CAPN13: variants seen among roughly 807,000 people sequenced by gnomAD.
CAPN13 encodes calpain 13, also known as calpain-13.
In CAPN13, 90 loss-of-function variants were observed where a neutral mutation model predicts 98.4. The ratio of observed to expected loss-of-function variants is 0.92; its 90% CI spans 0.77 to 1.09. The LOEUF (loss-of-function observed/expected upper bound fraction) is 1.09. Ranked by LOEUF, CAPN13 falls within the 50% of genes least tolerant of loss-of-function variation. CAPN13 has a pLI of 0.00. For synonymous variants in CAPN13, 330 were observed against 305.5 expected (o/e 1.08, Z -0.84); for missense variants, 887 against 841.3 (o/e 1.05, Z -0.67).
intron 7 of CAPN13, among the ~76,000 whole-genome samples, chr2:30,762,056 G>T (rs1026362911): frequency 4.6e-5 from 7 of 152,198 alleles, no homozygotes; most frequent in Admixed American, 2.6e-4. Context: ...ACAGAGATCA[G>T]GGAACACTTG....
At chr2:30,727,829 A>G (rs905650033) in intron 22 of CAPN13, among the ~76,000 whole-genome samples, 3 of 152,148 alleles carry the variant, frequency 2.0e-5, no homozygotes, top group Non-Finnish European at 2.9e-5. Flanking sequence ...AAATAAAAAC[A>G]TATGTCCCCC....
chr2:30,772,735 T>C (rs1197809438), intron 4 of CAPN13, among the ~76,000 whole-genome samples: 2 of 152,180 alleles, frequency 1.3e-5, no homozygotes, highest in East Asian at 1.9e-4. Context: ...GGTCTTCAGA[T>C]TGAAAAATAT....
At chr2:30,741,555 AG>A in intron 15 of CAPN13, 1 of 1,071,054 alleles carries the variant, frequency 9.3e-7, no homozygotes, top group Non-Finnish European at 1.1e-6. Flanking sequence ...GAACGATGCC[AG>A]GTTGGTGGGA....
chr2:30,753,015 T>A lies in CAPN13; in HGVS notation c.1087+38A>T, dbSNP rs201227071. Reference sequence around the variant, plus strand: ...CAAGGGCTGGGCTGGGGCAGCCAGCTTCCAGTTGGGCAGTGTGACCACCAG... The same window carrying A: ...CAAGGGCTGGGCTGGGGCAGCCAGCATCCAGTTGGGCAGTGTGACCACCAG... On this transcript the variant is annotated intron_variant, in intron 10 of 22. Transcript: ENST00000295055. The A allele has an allele frequency of 7.1e-5, 114 of 1,610,400 alleles. No homozygotes were observed. The East Asian group carries it at 2.5e-3, about 36-fold the overall frequency.
At chr2:30,733,796 A>G (rs1004871770) in intron 19 of CAPN13, among the ~76,000 whole-genome samples, 23 of 152,204 alleles carry the variant, frequency 1.5e-4, no homozygotes, top group African/African-American at 5.5e-4. Context: ...TTTACATTTT[A>G]TTAAAGGAAG....
intron 2 of CAPN13, among the ~76,000 whole-genome samples, chr2:30,783,308 T>C (rs1330363112): frequency 2.6e-5 from 4 of 152,102 alleles, no homozygotes; most frequent in African/African-American, 7.2e-5. Context: ...GTAGGAAGCA[T>C]TGAGGCTGAT....
At chr2:30,755,929 T>C (rs942191627) in intron 8 of CAPN13, among the ~76,000 whole-genome samples, 4 of 152,272 alleles carry the variant, frequency 2.6e-5, no homozygotes, top group African/African-American at 7.2e-5. Context: ...GATTAGACCA[T>C]CCGGTGCTCT....
chr2:30,746,150 G>C (rs1023041286), intron 11 of CAPN13, among the ~76,000 whole-genome samples: 1 of 152,066 alleles, frequency 6.6e-6, no homozygotes, highest in African/African-American at 2.4e-5. Context: ...GCCTGCCTTG[G>C]CCTTCCAAAA....
intron 1 of CAPN13, among the ~76,000 whole-genome samples, chr2:30,800,157 A>AAAGAAAGAAAGT (rs1558351780): frequency 8.6e-5 from 13 of 150,502 alleles, no homozygotes; most frequent in African/African-American, 3.2e-4. Context: ...AGAAAGAAAG[A>AAAGAAAGAAAGT]AAGAAAGAAA....
intron 1 of CAPN13, among the ~76,000 whole-genome samples, chr2:30,791,424 T>C (rs1394003077): frequency 6.6e-6 from 1 of 152,216 alleles, no homozygotes; most frequent in African/African-American, 2.4e-5. Context: ...ATATTACATA[T>C]CAGCTATTCT....
chr2:30,794,578 T>A (rs1033603619), intron 1 of CAPN13, among the ~76,000 whole-genome samples: 4 of 152,012 alleles, frequency 2.6e-5, no homozygotes, highest in African/African-American at 9.6e-5. Context: ...AAGCATATGT[T>A]CATACAAAGA....
At chr2:30,769,678 T>A (rs1180587126) in intron 5 of CAPN13, among the ~76,000 whole-genome samples, 4 of 152,214 alleles carry the variant, frequency 2.6e-5, no homozygotes, top group African/African-American at 9.7e-5. Flanking sequence ...ACATGTGAAT[T>A]GGGATGTTTA....
chr2:30,751,183 C>G lies in CAPN13; in HGVS notation c.1156G>C (p.Val386Leu). 1.2e-6 allele frequency: 2 copies of G among 1,613,926 alleles called. No individual in the cohort carries two copies. Among genetic ancestry groups the G allele is most frequent in the Non-Finnish European group, 1.7e-6 (2 of 1,179,866 alleles). The change falls in exon 11 of 23, where the codon GTG (valine) becomes CTG (leucine). Residue 386 changes from valine to leucine, a missense_variant. Coordinates refer to ENST00000295055, the MANE Select transcript of CAPN13 (RefSeq NM_144575.3). ...GGTGTGACAGCAACTGTGACGCACACGACAACATTGGTGCCTTCCATTGGC... is the reference window on the plus strand; with the variant it reads ...GGTGTGACAGCAACTGTGACGCACAGGACAACATTGGTGCCTTCCATTGGC... ...QEPMEGTNVV[V>L]CVTVAVTPSN...
chr2:30,800,186 A>T (rs546011058), intron 1 of CAPN13, among the ~76,000 whole-genome samples: 1 of 150,442 alleles, frequency 6.6e-6, no homozygotes, highest in Non-Finnish European at 1.5e-5. Context: ...GAAAGAAAGA[A>T]AGAAAACTAC....
chr2:30,778,932 C>T (rs549262469), intron 2 of CAPN13, among the ~76,000 whole-genome samples: 4 of 152,268 alleles, frequency 2.6e-5, no homozygotes, highest in Non-Finnish European at 2.9e-5. Context: ...GAAGGACATC[C>T]GGAGGGCCTT....
At position 30,755,034 on chromosome 2, in the gene CAPN13, C is replaced by G. The variant is rs561023689; in HGVS notation, c.867-670G>C. The stretch of plus-strand genomic sequence containing the variant: ...AGAGAACTTTGTCCTCTGCCACCCT[C>G]TCCGATGTTACCAGTTTCTTGCTTT... On this transcript the variant is annotated intron_variant, in intron 8 of 22. Coordinates refer to ENST00000295055, the MANE Select transcript of CAPN13 (RefSeq NM_144575.3). 2.0e-5 allele frequency among the ~76,000 whole-genome samples: 3 copies of G among 152,308 alleles called. No homozygotes were observed. The South Asian group carries it at 6.2e-4, about 32-fold the overall frequency.
chr2:30,801,604 TAAAAAAAAAAA>T lies in CAPN13; in HGVS notation c.-33+5687_-33+5697del, dbSNP rs10609363. Among the ~76,000 whole-genome samples the T allele has an allele frequency of 2.6e-4, 21 of 80,020 alleles. 1 individual carries two copies. Among genetic ancestry groups the T allele is most frequent in the Admixed American group, 1.8e-3 (12 of 6,536 alleles). The allele number at this position is 80,020 out of a possible 152,430, so 52.5% of individuals were successfully genotyped here. On this transcript the variant is annotated intron_variant, in intron 1 of 22. Transcript: ENST00000295055. ...TGGGTGATAGAGGGAGACTCAGTCT[TAAAAAAAAAAA>T]AAAAAAAAAAAAGAAGAAGAAGAAG...
At chr2:30,777,069 C>T (rs1261949303) in intron 3 of CAPN13, among the ~76,000 whole-genome samples, 1 of 152,242 alleles carries the variant, frequency 6.6e-6, no homozygotes, top group Non-Finnish European at 1.5e-5. Context: ...TGCCCTTTCA[C>T]TCCAAGGCTT....
chr2:30,749,994 A>G (rs529869986), intron 11 of CAPN13, among the ~76,000 whole-genome samples: 228 of 152,346 alleles, frequency 1.5e-3, no homozygotes, highest in African/African-American at 5.4e-3. Context: ...TTCTACCATA[A>G]AGACACAGGC....
Sources: gnomAD v4.1 joint callset for allele counts (sites outside exome capture counted in the v4.1 genomes callset) on GRCh38, gnomAD v4.1.1 for gene constraint, MANE v1.5 for transcripts, NCBI Gene and HGNC (gene_info 2026-07-23, HGNC 2026-07-21) for gene names.